Variants in ACAD10 observed in about 807,000 individuals in gnomAD.
ACAD10 encodes the protein ACAD-10.
Under a neutral mutation model 116.8 loss-of-function variants are expected in ACAD10, and 112 were observed. That is an observed-to-expected ratio of 0.96 (90% CI 0.82 to 1.12). The LOEUF (loss-of-function observed/expected upper bound fraction) is 1.12, where lower values mean the gene tolerates loss of function less well. Ranked by LOEUF, ACAD10 falls within the 50% of genes most tolerant of loss-of-function variation. The pLI is 0.00. For synonymous variants in ACAD10, 486 were observed against 510.6 expected (o/e 0.95, Z 0.65); for missense variants, 1,259 against 1,350.2 (o/e 0.93, Z 1.06).
chr12:111,736,188 T>G (rs1189103779), intron 11 of ACAD10, among the ~76,000 whole-genome samples: 1 of 143,592 alleles, frequency 7.0e-6, no homozygotes, highest in Non-Finnish European at 1.5e-5. Flanking sequence ...GCCAATTGTT[T>G]TTTTTTTTTT....
At chr12:111,752,564 G>A (rs371298029) in intron 18 of ACAD10, among the ~76,000 whole-genome samples, 111 of 151,440 alleles carry the variant, frequency 7.3e-4, no homozygotes, top group African/African-American at 2.5e-3. Context: ...AGCCGAGATC[G>A]CGCCACTGCA....
At chr12:111,689,066 C>T (rs1887964574) in intron 1 of ACAD10, among the ~76,000 whole-genome samples, 1 of 151,956 alleles carries the variant, frequency 6.6e-6, no homozygotes, top group Non-Finnish European at 1.5e-5. Context: ...TGGCACGCAC[C>T]TGTAATCCCA....
At chr12:111,718,773 C>T (rs541160363) in intron 7 of ACAD10, among the ~76,000 whole-genome samples, 119 of 152,236 alleles carry the variant, frequency 7.8e-4, no homozygotes, top group African/African-American at 2.8e-3. Context: ...GCCTCTGCGC[C>T]TGGCCTGTTT....
Position 111,753,874 on chromosome 12 carries a change from G to T in ACAD10, c.2920G>T (p.Val974Leu). The T allele has an allele frequency of 6.2e-7, 1 of 1,612,552 alleles. No individual in the cohort carries two copies. Among genetic ancestry groups the T allele is most frequent in the South Asian group, 1.1e-5 (1 of 91,026 alleles). The change falls in exon 19 of 21, where the codon GTG becomes TTG. Residue 974 changes from valine to leucine, a missense_variant. Physicochemically the swap from Val to Leu is conservative, Grantham distance 32 (BLOSUM62 1). Transcript: ENST00000313698. The part of the protein sequence containing the change: ...RVEIEQARLL[V>L]LRAAHLMDLA... ...GGAGATTGAGCAGGCACGGCTGCTG[G>T]TGCTGAGAGCTGCCCACCTCATGGA...
intron 5 of ACAD10, 110 bp downstream of exon 5, chr12:111,709,794 G>A (rs2135956266): frequency 5.9e-6 from 7 of 1,193,036 alleles, no homozygotes; most frequent in Non-Finnish European, 8.0e-6. Context: ...GTTTCCCCCT[G>A]TGTTTCCATA....
chr12:111,722,959 T>C (rs369077394), intron 8 of ACAD10, among the ~76,000 whole-genome samples: 16 of 139,186 alleles, frequency 1.1e-4, no homozygotes, highest in East Asian at 6.9e-4. Context: ...CCAGTAGGGG[T>C]GGCCGGGCAG....
chr12:111,691,342 C>T (rs1237383440), intron 1 of ACAD10, among the ~76,000 whole-genome samples: 3 of 151,996 alleles, frequency 2.0e-5, no homozygotes, highest in Non-Finnish European at 2.9e-5. Flanking sequence ...TAGGAGGAGG[C>T]GAGTACAGGA....
chr12:111,747,794 G>T (rs766137221), intron 16 of ACAD10: 1 of 1,014,346 alleles, frequency 9.9e-7, no homozygotes, highest in Admixed American at 5.1e-5. Flanking sequence ...CTTTTGCAGG[G>T]CCCCTACAAG....
intron 18 of ACAD10, 127 bp from the exon 19 acceptor site, chr12:111,753,645 T>G (rs759679696): frequency 1.5e-5 from 19 of 1,272,508 alleles, no homozygotes; most frequent in Non-Finnish European, 2.1e-5. Context: ...TGCACAGTCC[T>G]GGTTTCACTC....
intron 8 of ACAD10, among the ~76,000 whole-genome samples, chr12:111,727,501 G>A (rs1889249977): frequency 6.6e-6 from 1 of 152,214 alleles, no homozygotes; most frequent in African/African-American, 2.4e-5. Context: ...TCCAGCCTGG[G>A]TGACAGAGCG....
rs545625198 is a variant in ACAD10, at chr12:111,752,058, C to CAA, written c.2818-1698_2818-1697dup. Among the ~76,000 whole-genome samples, 790 of 104,584 alleles carry CAA rather than the reference C, an allele frequency of 7.6e-3. 11 individuals are homozygous for CAA. Among genetic ancestry groups the CAA allele is most frequent in the African/African-American group, 0.023 (715 of 31,396 alleles). 68.6% of individuals were successfully genotyped at this position (104,584 alleles called of 152,430 possible). A position where few individuals can be genotyped will look rare whatever the true frequency, so the allele number is the denominator to read the frequency against. The stretch of plus-strand genomic sequence containing the variant: ...GGGCAACAAGAGCGATACTCTGTCT[C>CAA]AAAAAAAAAAAAAAAAAGTAGCCAG... On this transcript the variant is annotated intron_variant, in intron 18 of 20. Coordinates refer to ENST00000313698, the MANE Select transcript of ACAD10 (RefSeq NM_025247.6).
At chr12:111,711,240 GC>G (rs1489520529) in intron 5 of ACAD10, among the ~76,000 whole-genome samples, 1 of 152,008 alleles carries the variant, frequency 6.6e-6, no homozygotes, top group African/African-American at 2.4e-5. Flanking sequence ...TCATTCTGTC[GC>G]CCAGGCTGGA....
chr12:111,739,907 C>T lies in ACAD10; in HGVS notation c.1714+2903C>T, dbSNP rs77760539. On this transcript the variant is annotated intron_variant, in intron 12 of 20. Transcript: ENST00000313698. Reference sequence around the variant, plus strand: ...GAAACTTGAATTCTGAGTGGATAGTCGATGATATGAAGAAGTTAACAGTTA... The same window carrying T: ...GAAACTTGAATTCTGAGTGGATAGTTGATGATATGAAGAAGTTAACAGTTA... Among the ~76,000 whole-genome samples, 446 of 151,926 alleles carry T rather than the reference C, an allele frequency of 2.9e-3. 1 individual carries two copies. Among genetic ancestry groups the T allele is most frequent in the African/African-American group, 1.0e-2 (414 of 41,412 alleles).
At chr12:111,746,724 G>T (rs930359389) in intron 14 of ACAD10, among the ~76,000 whole-genome samples, 2 of 152,186 alleles carry the variant, frequency 1.3e-5, no homozygotes, top group African/African-American at 2.4e-5. Flanking sequence ...AGAAGGCCAG[G>T]CATGGTGGCT....
chr12:111,721,713 C>G lies in ACAD10; in HGVS notation c.1035C>G (p.Asn345Lys), dbSNP rs752809036. ...CAAATGCTGGAGTACCTGTCCCTAACGTTCTTGATCTCTGTGAAGATTCAA... is the reference window on the plus strand; with the variant it reads ...CAAATGCTGGAGTACCTGTCCCTAAGGTTCTTGATCTCTGTGAAGATTCAA... The part of the protein sequence containing the change: ...ALANAGVPVP[N>K]VLDLCEDSSV... The change falls in exon 8 of 21, where the codon AAC becomes AAG. Residue 345 changes from asparagine to lysine, a missense_variant. By Grantham distance (94) the Asn-to-Lys change is moderately conservative. Transcript: ENST00000313698. 2.5e-6 allele frequency: 4 copies of G among 1,601,278 alleles called. No individual in the cohort carries two copies. The Admixed American group carries it at 5.0e-5, about 20-fold the overall frequency.
intron 18 of ACAD10, among the ~76,000 whole-genome samples, chr12:111,752,103 T>TA (rs1890088185): frequency 6.6e-6 from 1 of 150,774 alleles, no homozygotes; most frequent in Non-Finnish European, 1.5e-5. Flanking sequence ...CACACATTTA[T>TA]AGTCCTAGCT....
chr12:111,692,586 C>G, intron 1 of ACAD10, 111 bp from the exon 2 acceptor site: 1 of 1,061,124 alleles, frequency 9.4e-7, no homozygotes, highest in Non-Finnish European at 1.4e-6. Flanking sequence ...ATTCGAAGTG[C>G]CTGTTGGAGA....
intron 11 of ACAD10, among the ~76,000 whole-genome samples, chr12:111,734,493 G>T (rs757772554): frequency 1.3e-5 from 2 of 152,090 alleles, no homozygotes; most frequent in Non-Finnish European, 2.9e-5. Flanking sequence ...ACGTGGTGGC[G>T]TGTGCCTGTA....
intron 19 of ACAD10, among the ~76,000 whole-genome samples, chr12:111,754,726 G>A (rs1890161533): frequency 6.6e-6 from 1 of 152,242 alleles, no homozygotes. Flanking sequence ...GCAGATCACT[G>A]TAGCTCGGTT....
Sources: allele counts gnomAD v4.1 joint callset (sites outside exome capture counted in the v4.1 genomes callset), GRCh38; gene constraint gnomAD v4.1.1; transcripts MANE v1.5; gene names NCBI Gene and HGNC (gene_info 2026-07-23, HGNC 2026-07-21).